The following NKAIN2 variants were observed in gnomAD, a reference collection of about 807,000 sequenced individuals.
NKAIN2 encodes the protein sodium/potassium transporting ATPase interacting 2.
A neutral mutation model predicts 32.6 loss-of-function variants in NKAIN2; 14 were observed. The ratio of observed to expected loss-of-function variants is 0.43; its 90% CI spans 0.28 to 0.67. NKAIN2 has a LOEUF of 0.67. Ranked by LOEUF, NKAIN2 falls within the 30% of genes least tolerant of loss-of-function variation. The pLI is 0.17. For missense variants in NKAIN2, 198 were observed against 258.3 expected (o/e 0.77, Z 1.60); for synonymous variants, 80 against 87.2 (o/e 0.92, Z 0.46).
At chr6:124,509,768 G>T (rs1778638592) in intron 3 of NKAIN2, among the ~76,000 whole-genome samples, 1 of 152,108 alleles carries the variant, frequency 6.6e-6, no homozygotes, top group Non-Finnish European at 1.5e-5. Context: ...CACTTTTCTT[G>T]GTTTGTTTAT....
chr6:124,292,539 C>CT (rs61460248), intron 2 of NKAIN2, among the ~76,000 whole-genome samples: 35,310 of 143,352 alleles, frequency 0.25, 5,262 homozygotes, highest in African/African-American at 0.43. Context: ...GAGCAGATGA[C>CT]TTTTTTTTTT....
At chr6:123,927,414 A>AG (rs1295640349) in intron 1 of NKAIN2, among the ~76,000 whole-genome samples, 2 of 152,348 alleles carry the variant, frequency 1.3e-5, no homozygotes, top group East Asian at 3.9e-4. Flanking sequence ...TTCTCCAAGA[A>AG]TAGCAAATAT....
intron 1 of NKAIN2, among the ~76,000 whole-genome samples, chr6:124,191,127 A>G (rs1790000814): frequency 6.6e-6 from 1 of 152,210 alleles, no homozygotes; most frequent in Admixed American, 6.5e-5. Flanking sequence ...GTATCATACA[A>G]AATAGTTATA....
At chr6:124,609,552 A>G (rs1303917589) in intron 3 of NKAIN2, among the ~76,000 whole-genome samples, 2 of 152,132 alleles carry the variant, frequency 1.3e-5, no homozygotes, top group Admixed American at 6.6e-5. Flanking sequence ...GGATGAGAGT[A>G]ACGAGTGAAG....
At chr6:123,952,766 G>A (rs934044362) in intron 1 of NKAIN2, among the ~76,000 whole-genome samples, 1 of 151,850 alleles carries the variant, frequency 6.6e-6, no homozygotes, top group South Asian at 2.1e-4. Context: ...ATCTCTTTGG[G>A]AAATTTTTAA....
intron 1 of NKAIN2, among the ~76,000 whole-genome samples, chr6:124,040,574 T>C (rs934800206): frequency 2.6e-5 from 4 of 152,030 alleles, no homozygotes; most frequent in Non-Finnish European, 5.9e-5. Context: ...TATTATTTAT[T>C]ATTATTAGCA....
intron 1 of NKAIN2, among the ~76,000 whole-genome samples, chr6:124,134,144 A>T (rs1465624317): frequency 6.6e-6 from 1 of 150,620 alleles, no homozygotes; most frequent in African/African-American, 2.4e-5. Flanking sequence ...AAAATTAAGG[A>T]TGTTGGTGAA....
intron 1 of NKAIN2, among the ~76,000 whole-genome samples, chr6:124,239,662 A>G (rs573849848): frequency 6.6e-6 from 1 of 152,346 alleles, no homozygotes; most frequent in Admixed American, 6.5e-5. Flanking sequence ...AAATAATGAA[A>G]TTAAGGCAGA....
chr6:124,745,564 G>A (rs988013231), intron 4 of NKAIN2, among the ~76,000 whole-genome samples: 2 of 151,734 alleles, frequency 1.3e-5, no homozygotes, highest in African/African-American at 2.4e-5. Flanking sequence ...CATTACAGAG[G>A]TCCAAGTTAT....
intron 1 of NKAIN2, among the ~76,000 whole-genome samples, chr6:124,018,446 T>C (rs1004714951): frequency 1.9e-4 from 29 of 152,212 alleles, no homozygotes; most frequent in Admixed American, 7.9e-4. Context: ...ATTTCTCCTA[T>C]TGCATCCTCA....
intron 3 of NKAIN2, among the ~76,000 whole-genome samples, chr6:124,623,341 A>G (rs1783181630): frequency 6.6e-6 from 1 of 152,208 alleles, no homozygotes; most frequent in African/African-American, 2.4e-5. Flanking sequence ...TTTGTAAAGA[A>G]AAGGAATACT....
At chr6:124,719,415 C>A (rs1179958989) in intron 4 of NKAIN2, among the ~76,000 whole-genome samples, 1 of 152,076 alleles carries the variant, frequency 6.6e-6, no homozygotes, top group Non-Finnish European at 1.5e-5. Context: ...TCAGAAATGT[C>A]TTTTGCAATC....
intron 3 of NKAIN2, among the ~76,000 whole-genome samples, chr6:124,591,367 T>C (rs539081710): frequency 4.6e-5 from 7 of 152,268 alleles, no homozygotes; most frequent in Non-Finnish European, 5.9e-5. Context: ...GAAAATTCTA[T>C]GGAAAATGTG....
Position 124,500,677 on chromosome 6 carries a change from T to A in NKAIN2, c.273+145330T>A, listed in dbSNP as rs1487108317. Among the ~76,000 whole-genome samples the A allele has an allele frequency of 3.3e-5, 5 of 150,712 alleles. No homozygotes were observed. In the East Asian group the frequency reaches 5.8e-4, roughly 18 times the overall value. Reference sequence around the variant, plus strand: ...TCAATCAATCAATCAAATAAATAAATAAATAAATAATAAAATAAATAAAAT... The same window carrying A: ...TCAATCAATCAATCAAATAAATAAAAAAATAAATAATAAAATAAATAAAAT... On this transcript the variant is annotated intron_variant, in intron 3 of 6. Coordinates refer to ENST00000368417, the MANE Select transcript of NKAIN2 (RefSeq NM_001040214.3).
chr6:123,836,642 C>A (rs201077315), intron 1 of NKAIN2, among the ~76,000 whole-genome samples: 7 of 146,746 alleles, frequency 4.8e-5, no homozygotes, highest in Non-Finnish European at 3.0e-5. Flanking sequence ...CATCCTGGAC[C>A]AAAAAAAAAA....
intron 1 of NKAIN2, among the ~76,000 whole-genome samples, chr6:124,128,654 T>C (rs1786303810): frequency 6.6e-6 from 1 of 152,254 alleles, no homozygotes; most frequent in South Asian, 2.1e-4. Flanking sequence ...CTAGTTAGTA[T>C]ATTTACAGAG....
intron 1 of NKAIN2, among the ~76,000 whole-genome samples, chr6:123,998,639 A>G (rs908311117): frequency 3.9e-5 from 6 of 152,092 alleles, no homozygotes; most frequent in Middle Eastern, 3.2e-3. Flanking sequence ...GAGTACTACT[A>G]TAATCTTGTC....
At chr6:124,046,777 C>T (rs1160313603) in intron 1 of NKAIN2, among the ~76,000 whole-genome samples, 1 of 151,730 alleles carries the variant, frequency 6.6e-6, no homozygotes, top group African/African-American at 2.4e-5. Context: ...TGAAAAGCTG[C>T]CAAGGAGTAC....
chr6:123,853,478 T>C (rs1775434750), intron 1 of NKAIN2, among the ~76,000 whole-genome samples: 1 of 152,208 alleles, frequency 6.6e-6, no homozygotes, highest in Non-Finnish European at 1.5e-5. Flanking sequence ...ACATTTATTA[T>C]ATTATAATGA....
Sources: allele counts gnomAD v4.1 joint callset (sites outside exome capture counted in the v4.1 genomes callset), GRCh38; gene constraint gnomAD v4.1.1; transcripts MANE v1.5; gene names NCBI Gene and HGNC (gene_info 2026-07-23, HGNC 2026-07-21).